Variants in PCDHGA4 observed in about 807,000 individuals in gnomAD.
PCDHGA4 encodes the protein protocadherin gamma subfamily A, 4.
PCDHGA4 carries 38 observed loss-of-function variants against 54.6 expected under a neutral mutation model. The ratio of observed to expected loss-of-function variants is 0.70; its 90% CI spans 0.54 to 0.91. PCDHGA4 has a LOEUF of 0.91. PCDHGA4 is among the 40% of genes least tolerant of loss of function. The pLI, the probability that PCDHGA4 is intolerant of heterozygous loss-of-function variation, is 0.00. For synonymous variants in PCDHGA4, 511 were observed against 512.9 expected (o/e 1.00, Z 0.05); for missense variants, 1,298 against 1,220.9 (o/e 1.06, Z -0.94).
intron 1 of PCDHGA4, chr5:141,371,309 A>G: frequency 1.2e-6 from 2 of 1,614,012 alleles, no homozygotes; most frequent in Non-Finnish European, 8.5e-7. Flanking sequence ...CCACTATTGG[A>G]GAACTGGACT....
In PCDHGA4 at chr5:141,376,165, G is replaced by A. The variant is rs181247360; in HGVS notation, c.2514+18544G>A. ...ATTCGGACCTCACTCTGTACCTGGT[G>A]GTGGCGGTGGCCGCGGTCTCCTGCG... On this transcript the variant is annotated intron_variant, in intron 1 of 3. Coordinates refer to ENST00000571252, the MANE Select transcript of PCDHGA4 (RefSeq NM_018917.4). 5.0e-5 allele frequency: 80 copies of A among 1,614,136 alleles called. No individual in the cohort carries two copies. In the East Asian group the frequency reaches 1.2e-3, roughly 25 times the overall value.
chr5:141,385,132 G>T (rs763210124), intron 1 of PCDHGA4: 2 of 1,614,094 alleles, frequency 1.2e-6, no homozygotes, highest in African/African-American at 1.3e-5. Flanking sequence ...GGGCATGGAC[G>T]GGGTGCAGGC....
chr5:141,423,758 G>GGGT, intron 1 of PCDHGA4: 1 of 366,842 alleles, frequency 2.7e-6, no homozygotes, highest in Non-Finnish European at 3.8e-6. Context: ...TTTGGGGGGG[G>GGGT]GGTGGGGCGG....
intron 1 of PCDHGA4, chr5:141,418,920 A>G: frequency 6.2e-7 from 1 of 1,613,992 alleles, no homozygotes; most frequent in Non-Finnish European, 8.5e-7. Flanking sequence ...TCACTCTCTG[A>G]TCAGATTATG....
chr5:141,476,184 T>C lies in PCDHGA4; in HGVS notation c.2515-18623T>C, dbSNP rs1038598087. ...AGGGTAGTGGGAGTTTTGCTTCTGC[T>C]TGGTGCCTTGAACAAGGCTTCCACG... On this transcript the variant is annotated intron_variant, in intron 1 of 3. Coordinates refer to ENST00000571252, the MANE Select transcript of PCDHGA4 (RefSeq NM_018917.4). The surrounding 1 kb of genome is among the most constrained non-coding windows in gnomAD (Gnocchi z 7.6). 1 of 1,613,708 alleles carries C rather than the reference T, an allele frequency of 6.2e-7. No homozygotes were observed. Among genetic ancestry groups the C allele is most frequent in the Non-Finnish European group, 8.5e-7 (1 of 1,179,992 alleles).
chr5:141,357,522 C>T lies in PCDHGA4; in HGVS notation c.2415C>T (p.Ser805=), dbSNP rs773992774. 4 of 1,614,230 alleles carry T rather than the reference C, an allele frequency of 2.5e-6. No homozygotes were observed. The highest frequency in any genetic ancestry group is 1.1e-5 in the South Asian group (1 of 91,090). ...RKSHLIFSQP[S]YADTLISRES... is the part of the protein sequence containing the mutation. ...GTCACCTGATCTTCTCCCAACCCAG[C>T]TATGCAGACACGCTCATCAGCCGGG... Residue 805 remains serine (S), a synonymous_variant, in exon 1 of 4, where the codon AGC becomes AGT. Coordinates refer to ENST00000571252, the MANE Select transcript of PCDHGA4 (RefSeq NM_018917.4).
intron 2 of PCDHGA4, among the ~76,000 whole-genome samples, chr5:141,500,939 G>T (rs2099804123): frequency 6.6e-6 from 1 of 151,680 alleles, no homozygotes; most frequent in South Asian, 2.1e-4. Context: ...CGCCATCTCG[G>T]CTCACTGCAA....
chr5:141,504,765 C>T lies in PCDHGA4; in HGVS notation c.2574-628C>T, dbSNP rs548234873. ...ATTGAATTTTAGAAATTTCTTCTCC[C>T]TGCTCCAGGGTCTCTTGGGGCCTCC... On this transcript the variant is annotated intron_variant, in intron 2 of 3. Transcript: ENST00000571252. Among the ~76,000 whole-genome samples, 4 of 152,156 alleles carry T rather than the reference C, an allele frequency of 2.6e-5. No homozygotes were observed. The South Asian group carries it at 8.3e-4, about 32-fold the overall frequency.
intron 1 of PCDHGA4, among the ~76,000 whole-genome samples, chr5:141,425,257 G>A (rs746250240): frequency 6.6e-6 from 1 of 152,152 alleles, no homozygotes; most frequent in Non-Finnish European, 1.5e-5. Context: ...TGAGGTATTT[G>A]GCTGGGAAAA....
At chr5:141,447,623 C>G (rs940221130) in intron 1 of PCDHGA4, among the ~76,000 whole-genome samples, 1 of 152,042 alleles carries the variant, frequency 6.6e-6, no homozygotes, top group African/African-American at 2.4e-5. Flanking sequence ...AAAGTTGAAA[C>G]CAACAGTATG....
At chr5:141,365,935 C>T (rs1191838027) in intron 1 of PCDHGA4, 1 of 1,614,222 alleles carries the variant, frequency 6.2e-7, no homozygotes, top group Non-Finnish European at 8.5e-7. Context: ...TGACAGCCAG[C>T]GACAGTGGGA....
chr5:141,405,459 A>T, intron 1 of PCDHGA4: 2 of 1,229,452 alleles, frequency 1.6e-6, no homozygotes, highest in Non-Finnish European at 2.3e-6. Flanking sequence ...TTACTCTGTT[A>T]CCCAGGCTGG....
At chr5:141,413,336 A>G (rs1561741680) in intron 1 of PCDHGA4, 1 of 1,613,972 alleles carries the variant, frequency 6.2e-7, no homozygotes, top group Non-Finnish European at 8.5e-7. Flanking sequence ...AACATCTCCA[A>G]GGACTTGGGT....
intron 1 of PCDHGA4, chr5:141,416,286 T>C (rs1415036175): frequency 2.0e-5 from 3 of 152,304 alleles, no homozygotes; most frequent in Non-Finnish European, 4.4e-5. Context: ...AATTCTCTAA[T>C]TTCACACTGC....
At chr5:141,382,059 C>T (rs1480800714) in intron 1 of PCDHGA4, among the ~76,000 whole-genome samples, 1 of 151,960 alleles carries the variant, frequency 6.6e-6, no homozygotes, top group South Asian at 2.1e-4. Context: ...AAGCTCCCGA[C>T]CTCAGGTGAT....
At chr5:141,425,289 A>C (rs17208404) in intron 1 of PCDHGA4, among the ~76,000 whole-genome samples, 26,691 of 152,172 alleles carry the variant, frequency 0.18, 2,539 homozygotes, top group Admixed American at 0.28. Flanking sequence ...CATATTATAA[A>C]ACCTCATCTA....
At chr5:141,404,238 C>T (rs764561008) in intron 1 of PCDHGA4, 3 of 1,613,712 alleles carry the variant, frequency 1.9e-6, no homozygotes, top group Non-Finnish European at 2.5e-6. Context: ...GACAGAGGAA[C>T]TCCGCCCCTG....
intron 1 of PCDHGA4, among the ~76,000 whole-genome samples, chr5:141,368,397 A>C (rs1389287908): frequency 1.3e-5 from 2 of 152,166 alleles, no homozygotes; most frequent in African/African-American, 4.8e-5. Flanking sequence ...ACACACAAAC[A>C]CACATACATA....
chr5:141,379,424 G>C (rs1775590923), intron 1 of PCDHGA4: 1 of 152,218 alleles, frequency 6.6e-6, no homozygotes, highest in Non-Finnish European at 1.5e-5. Context: ...TCATGAGTTA[G>C]ATGGGCTGTT....
Sources: gnomAD v4.1 joint callset for allele counts (sites outside exome capture counted in the v4.1 genomes callset) on GRCh38, gnomAD v4.1.1 for gene constraint, Gnocchi (gnomAD v3.1) non-coding constraint, MANE v1.5 for transcripts, NCBI Gene and HGNC (gene_info 2026-07-23, HGNC 2026-07-21) for gene names.